Variants in GPM6A observed in about 807,000 individuals in gnomAD.
GPM6A encodes glycoprotein M6A.
GPM6A carries 7 observed loss-of-function variants against 32.1 expected under a neutral mutation model. That is an observed-to-expected ratio of 0.22 (90% CI 0.12 to 0.41). GPM6A has a LOEUF of 0.41. Among genes scored for constraint, GPM6A ranks in the 10% least tolerant of loss-of-function variants. The pLI, the probability that GPM6A is intolerant of heterozygous loss-of-function variation, is 1.00. For missense variants in GPM6A, 235 were observed against 347.2 expected, an observed-to-expected ratio of 0.68 and a Z score of 2.57; for synonymous variants, 130 against 123.4, an observed-to-expected ratio of 1.05 and a Z score of -0.35.
Position 175,701,723 on chromosome 4 carries a change from C to T in GPM6A, c.82G>A (p.Ala28Thr). ...AGCAGGATGGTGGCAATCAGAGAGG[C>T]ATAGGGAATGCCCCCCAGGCATTTG... is the stretch of plus-strand genomic sequence containing the variant. ...CIKCLGGIPY[A>T]SLIATILLYA... The change falls in exon 2 of 7, where the codon GCC (alanine) becomes ACC (threonine). Residue 28 changes from alanine to threonine, a missense_variant. Physicochemically the swap from Ala to Thr is moderately conservative, Grantham distance 58 (BLOSUM62 0). Transcript: ENST00000393658. 1.2e-6 allele frequency: 2 copies of T among 1,613,766 alleles called. No individual in the cohort carries two copies. The highest frequency in any genetic ancestry group is 1.3e-5 in the African/African-American group (1 of 75,018).
chr4:175,986,404 G>A (rs770981434), intron 1 of GPM6A, among the ~76,000 whole-genome samples: 2 of 151,894 alleles, frequency 1.3e-5, no homozygotes, highest in Non-Finnish European at 2.9e-5. Flanking sequence ...GGGTGCAGTG[G>A]CTGTGGGTAT....
intron 1 of GPM6A, among the ~76,000 whole-genome samples, chr4:175,996,938 G>A (rs1310044340): frequency 2.6e-5 from 4 of 151,938 alleles, no homozygotes; most frequent in Non-Finnish European, 5.9e-5. Flanking sequence ...AAGAATCTTT[G>A]CAGCTTCTGC....
chr4:175,868,087 C>T (rs1736795709), intron 1 of GPM6A, among the ~76,000 whole-genome samples: 1 of 152,098 alleles, frequency 6.6e-6, no homozygotes, highest in East Asian at 1.9e-4. Context: ...GCTTTTGGTC[C>T]CCAGAGTTGT....
chr4:175,977,230 A>G (rs1365644325), intron 1 of GPM6A, among the ~76,000 whole-genome samples: 7 of 152,220 alleles, frequency 4.6e-5, no homozygotes, highest in Admixed American at 1.3e-4. Context: ...TTATGTCCTA[A>G]TAATGGAAAT....
intron 1 of GPM6A, among the ~76,000 whole-genome samples, chr4:175,779,624 G>A (rs1328298367): frequency 2.6e-5 from 4 of 152,012 alleles, no homozygotes; most frequent in South Asian, 2.1e-4. Context: ...TCTGCTCCAC[G>A]CATCCCTAGA....
At chr4:175,915,902 C>T (rs2111516990) in intron 1 of GPM6A, among the ~76,000 whole-genome samples, 1 of 152,252 alleles carries the variant, frequency 6.6e-6, no homozygotes, top group South Asian at 2.1e-4. Flanking sequence ...CCATGTGGAC[C>T]TTACATTTGT....
At chr4:175,979,398 G>C (rs1345148479) in intron 1 of GPM6A, among the ~76,000 whole-genome samples, 1 of 152,288 alleles carries the variant, frequency 6.6e-6, no homozygotes, top group East Asian at 1.9e-4. Context: ...TACTAAAGCA[G>C]AGTCAAAAGT....
intron 1 of GPM6A, among the ~76,000 whole-genome samples, chr4:175,914,280 A>G (rs1738415665): frequency 6.6e-6 from 1 of 152,176 alleles, no homozygotes; most frequent in South Asian, 2.1e-4. Context: ...AGGAACAGTC[A>G]ATCATGCATT....
chr4:175,707,611 C>G (rs1745273287), intron 1 of GPM6A, among the ~76,000 whole-genome samples: 1 of 151,482 alleles, frequency 6.6e-6, no homozygotes, highest in African/African-American at 2.4e-5. Flanking sequence ...ATAATCATAC[C>G]ACCTGTGAAA....
chr4:175,912,556 G>A (rs1202320365), intron 1 of GPM6A, among the ~76,000 whole-genome samples: 2 of 152,166 alleles, frequency 1.3e-5, no homozygotes, highest in Admixed American at 6.5e-5. Context: ...TTGGGAGTCT[G>A]AGGCAGGAGA....
intron 1 of GPM6A, among the ~76,000 whole-genome samples, chr4:175,780,192 T>G (rs1418137393): frequency 6.6e-6 from 1 of 151,998 alleles, no homozygotes; most frequent in African/African-American, 2.4e-5. Flanking sequence ...GGATTACATG[T>G]GCCTGCCCCC....
intron 1 of GPM6A, among the ~76,000 whole-genome samples, chr4:175,870,486 T>C (rs1274503501): frequency 6.6e-6 from 1 of 152,212 alleles, no homozygotes; most frequent in African/African-American, 2.4e-5. Flanking sequence ...GATACAACAA[T>C]AAAAATAATG....
chr4:175,841,089 G>C lies in GPM6A; in HGVS notation c.-22-28840C>G, dbSNP rs112274119. 4.9e-4 allele frequency among the ~76,000 whole-genome samples: 74 copies of C among 152,238 alleles called. 2 individuals are homozygous for C. The highest frequency in any genetic ancestry group is 1.7e-3 in the African/African-American group (71 of 41,542). On this transcript the variant is annotated intron_variant, in intron 1 of 7. Coordinates refer to the GPM6A transcript ENST00000280187. Reference sequence around the variant, plus strand: ...TAGCAAACAGATCCTAACCTAATCTGTCTCTCTATAAAAATGAATTCTAAA... The same window carrying C: ...TAGCAAACAGATCCTAACCTAATCTCTCTCTCTATAAAAATGAATTCTAAA...
chr4:175,639,123 A>G (rs1177219468), intron 6 of GPM6A, among the ~76,000 whole-genome samples: 2 of 152,194 alleles, frequency 1.3e-5, no homozygotes, highest in East Asian at 3.8e-4. Flanking sequence ...AATTCATGTT[A>G]GTACTGACAT....
At chr4:175,987,781 A>G (rs1432761633) in intron 1 of GPM6A, among the ~76,000 whole-genome samples, 1 of 152,174 alleles carries the variant, frequency 6.6e-6, no homozygotes, top group Non-Finnish European at 1.5e-5. Flanking sequence ...ACTGTCATGA[A>G]TTTGCCAAGG....
chr4:175,673,578 G>A, intron 3 of GPM6A, 102 bp downstream of exon 3: 1 of 749,810 alleles, frequency 1.3e-6, no homozygotes, highest in Non-Finnish European at 2.1e-6. Context: ...AAACGTTACT[G>A]TGTGAAAAAA....
rs1239657131 is a variant in GPM6A, at chr4:175,718,279, T to C, written c.38-16512A>G. Among the ~76,000 whole-genome samples the C allele has an allele frequency of 3.3e-5, 5 of 152,256 alleles. No individual in the cohort carries two copies. In the East Asian group the frequency reaches 7.7e-4, roughly 23 times the overall value. ...TACTATATTGTTACTTTAAAAACAA[T>C]AAAAGAACAAGTAAAACTTTGTAAA... On this transcript the variant is annotated intron_variant, in intron 1 of 6. Coordinates refer to ENST00000393658, the MANE Select transcript of GPM6A (RefSeq NM_201591.3).
chr4:175,635,177 G>A, intron 6 of GPM6A, 120 bp from the exon 7 acceptor site: 13 of 704,240 alleles, frequency 1.8e-5, no homozygotes, highest in South Asian at 5.5e-5. Flanking sequence ...CATATAAAAT[G>A]GAAACAAAAT....
chr4:175,880,760 G>A lies in GPM6A; in HGVS notation c.-22-68511C>T, dbSNP rs191805506. Among the ~76,000 whole-genome samples the A allele has an allele frequency of 5.6e-4, 85 of 152,244 alleles. 1 individual carries two copies. The highest frequency in any genetic ancestry group is 2.3e-3 in the Admixed American group (35 of 15,294). ...TTTGTATCCTGAGACTGCTGAAGTTGCTTATCAGCTTAAGGAGATTTTGGG... is the reference window on the plus strand; with the variant it reads ...TTTGTATCCTGAGACTGCTGAAGTTACTTATCAGCTTAAGGAGATTTTGGG... On this transcript the variant is annotated intron_variant, in intron 1 of 7. Coordinates refer to the GPM6A transcript ENST00000280187.
Sources: gnomAD v4.1 joint callset for allele counts (sites outside exome capture counted in the v4.1 genomes callset) on GRCh38, gnomAD v4.1.1 for gene constraint, MANE v1.5 for transcripts, NCBI Gene and HGNC (gene_info 2026-07-23, HGNC 2026-07-21) for gene names.